PREPL: variants seen among roughly 807,000 people sequenced by gnomAD.
PREPL encodes the protein prolyl endopeptidase-like.
A neutral mutation model predicts 70.6 loss-of-function variants in PREPL; 77 were observed. The observed-to-expected ratio is 1.09, with a 90% CI of 0.91 to 1.32. The LOEUF is 1.32. Ranked by LOEUF, PREPL falls within the 40% of genes most tolerant of loss-of-function variation. The pLI, the probability that PREPL is intolerant of heterozygous loss-of-function variation, is 0.00. For synonymous variants in PREPL, 315 were observed against 264.8 expected (o/e 1.19, Z -1.84); for missense variants, 1,002 against 778.2 (o/e 1.29, Z -3.42).
intron 2 of PREPL, among the ~76,000 whole-genome samples, chr2:44,345,705 A>T (rs1163966721): frequency 6.6e-6 from 1 of 152,228 alleles, no homozygotes; most frequent in Non-Finnish European, 1.5e-5. Flanking sequence ...ATGGTTAAAC[A>T]GATACTTGGC....
At chr2:44,325,002 G>C (rs889503215) in intron 10 of PREPL, among the ~76,000 whole-genome samples, 3 of 152,144 alleles carry the variant, frequency 2.0e-5, no homozygotes, top group East Asian at 3.8e-4. Flanking sequence ...ATACTTTTTA[G>C]CTTTCCCTCA....
In PREPL at chr2:44,321,456, C is replaced by T. The variant is rs143833723; in HGVS notation, c.1828-11G>A. Reference sequence around the variant, plus strand: ...AATTTGGGCTGTAATCTAAAAGAAACACATTAAAAAAATTAAATAGAAGGC... The same window carrying T: ...AATTTGGGCTGTAATCTAAAAGAAATACATTAAAAAAATTAAATAGAAGGC... On this transcript the variant is annotated splice_polypyrimidine_tract_variant and intron_variant, in intron 13 of 13. Coordinates refer to ENST00000409411, the MANE Select transcript of PREPL (RefSeq NM_001171613.2). 6.2e-7 allele frequency: 1 copy of T among 1,609,096 alleles called. No homozygotes were observed. The highest frequency in any genetic ancestry group is 2.2e-5 in the East Asian group (1 of 44,796).
intron 7 of PREPL, among the ~76,000 whole-genome samples, chr2:44,334,448 G>C (rs1160188711): frequency 1.3e-5 from 2 of 151,970 alleles, no homozygotes; most frequent in Admixed American, 6.5e-5. Context: ...ACTTCTTTTT[G>C]TGACAAAAAA....
At chr2:44,332,708 A>G in intron 7 of PREPL, 52 bp from the exon 8 acceptor site, 1 of 1,397,082 alleles carries the variant, frequency 7.2e-7, no homozygotes, top group Non-Finnish European at 9.8e-7. Flanking sequence ...ACCAAGTATC[A>G]TTAATTAAAT....
At chr2:44,327,041 T>C in intron 9 of PREPL, 113 bp from the exon 10 acceptor site, 1 of 870,176 alleles carries the variant, frequency 1.1e-6, no homozygotes, top group Non-Finnish European at 1.8e-6. Flanking sequence ...GAGCTAAGAC[T>C]GGTTTTTGCT....
chr2:44,335,634 G>A (rs946659989), intron 7 of PREPL, among the ~76,000 whole-genome samples: 1 of 151,980 alleles, frequency 6.6e-6, no homozygotes, highest in African/African-American at 2.4e-5. Flanking sequence ...TAATTCTACA[G>A]AAAGGCAAAG....
intron 7 of PREPL, among the ~76,000 whole-genome samples, chr2:44,337,325 C>A (rs887189895): frequency 5.3e-5 from 8 of 152,160 alleles, no homozygotes; most frequent in African/African-American, 1.9e-4. Context: ...AGCCCCACAG[C>A]ACATTTTATG....
chr2:44,358,596 T>C (rs1485405283), intron 1 of PREPL, among the ~76,000 whole-genome samples: 2 of 152,052 alleles, frequency 1.3e-5, no homozygotes, highest in African/African-American at 2.4e-5. Context: ...ACCAGGACAC[T>C]TTTGAGAGGA....
intron 8 of PREPL, among the ~76,000 whole-genome samples, chr2:44,329,904 TTAAAC>T (rs1673916547): frequency 6.6e-6 from 1 of 152,186 alleles, no homozygotes; most frequent in Non-Finnish European, 1.5e-5. Context: ...TTCACCCTGC[TTAAAC>T]TAATGAAATA....
In PREPL at chr2:44,326,785, A is replaced by T. The variant is rs749238316; in HGVS notation, c.1406T>A (p.Phe469Tyr). 1 of 1,614,204 alleles carries T rather than the reference A, an allele frequency of 6.2e-7. No individual in the cohort carries two copies. The highest frequency in any genetic ancestry group is 1.1e-5 in the South Asian group (1 of 91,086). ...SQPSLTTLTA[F>Y]SAGGVLAGAL... ...TCCTGCAAGCACCCCTCCAGCACTG[A>T]AAGCAGTCAGGGTTGTTAGACTTGG... Residue 469 changes from phenylalanine to tyrosine, a missense_variant, in exon 10 of 14, where the codon TTC becomes TAC. Physicochemically the swap from Phe to Tyr is conservative, Grantham distance 22. Transcript: ENST00000409411.
chr2:44,320,540 GA>G lies in PREPL; in HGVS notation c.*815del. 1 of 1,614,094 alleles carries G rather than the reference GA, an allele frequency of 6.2e-7. No individual in the cohort carries two copies. Among genetic ancestry groups the G allele is most frequent in the South Asian group, 1.1e-5 (1 of 91,076 alleles). On this transcript the variant is annotated 3_prime_UTR_variant, in exon 14 of 14. Transcript: ENST00000409411. The stretch of plus-strand genomic sequence containing the variant: ...GACTCATCTTTGAACACAACACGAA[GA>G]ATCTCCTTCATCGCCAAACAGCTTT...
intron 1 of PREPL, among the ~76,000 whole-genome samples, chr2:44,349,218 C>G (rs1676139806): frequency 6.6e-6 from 1 of 152,166 alleles, no homozygotes; most frequent in South Asian, 2.1e-4. Flanking sequence ...TAGAAAGACA[C>G]CGGACAGCCC....
intron 8 of PREPL, among the ~76,000 whole-genome samples, chr2:44,331,242 C>T (rs1435768272): frequency 2.6e-5 from 4 of 152,052 alleles, no homozygotes; most frequent in Non-Finnish European, 5.9e-5. Context: ...TGTGCCTAGC[C>T]CTACACTTCT....
At chr2:44,336,142 G>A (rs991986410) in intron 7 of PREPL, among the ~76,000 whole-genome samples, 3 of 152,126 alleles carry the variant, frequency 2.0e-5, no homozygotes, top group Non-Finnish European at 4.4e-5. Context: ...AGCAGTTTGG[G>A]AATTTCTCAA....
chr2:44,344,013 G>A (rs1414362210), intron 3 of PREPL, 62 bp from the exon 4 acceptor site: 3 of 1,514,982 alleles, frequency 2.0e-6, no homozygotes, highest in East Asian at 2.4e-5. Flanking sequence ...AATTAAAACT[G>A]TATTTTAATG....
rs753767282 is a variant in PREPL, at chr2:44,343,794, G to A, written c.300C>T (p.Leu100=). 3.1e-6 allele frequency: 5 copies of A among 1,613,868 alleles called. No homozygotes were observed. In the Admixed American group the frequency reaches 6.7e-5, roughly 22 times the overall value. Residue 100 remains leucine (L), a synonymous_variant, in exon 4 of 14, where the codon CTC becomes CTT. Transcript: ENST00000409411. ...SEASTCVIIK[L]SDQPVMEASF... is the part of the protein sequence containing the mutation. ...AAGCTTCCATTACGGGCTGATCGCT[G>A]AGCTTTATAATTACACAGGTAGATG...
chr2:44,318,796 A>G lies in PREPL; in HGVS notation c.*2560T>C, dbSNP rs898667978. 6.6e-6 allele frequency: 1 copy of G among 152,234 alleles called. No individual in the cohort carries two copies. The highest frequency in any genetic ancestry group is 2.4e-5 in the African/African-American group (1 of 41,464). The allele number at this position is 152,234 out of a possible 1,614,324, so 9.4% of individuals were successfully genotyped here. On this transcript the variant is annotated 3_prime_UTR_variant, in exon 14 of 14. Transcript: ENST00000409411. Reference sequence around the variant, plus strand: ...GGAAGTATTTAATAGCAGACAAAATATAGTTCAATATGAAAAGCATTATAT... The same window carrying G: ...GGAAGTATTTAATAGCAGACAAAATGTAGTTCAATATGAAAAGCATTATAT...
intron 1 of PREPL, among the ~76,000 whole-genome samples, chr2:44,358,644 T>TA (rs1454896063): frequency 2.6e-5 from 4 of 151,994 alleles, no homozygotes; most frequent in African/African-American, 4.8e-5. Context: ...GGACAACAGG[T>TA]GTAGGCTGGA....
In PREPL at chr2:44,320,163, T is replaced by G; in HGVS notation, c.*1193A>C. The G allele has an allele frequency of 1.3e-6, 2 of 1,517,510 alleles. No homozygotes were observed. Among genetic ancestry groups the G allele is most frequent in the Non-Finnish European group, 9.1e-7 (1 of 1,097,734 alleles). The allele number at this position is 1,517,510 out of a possible 1,614,324, so 94.0% of individuals were successfully genotyped here. On this transcript the variant is annotated 3_prime_UTR_variant, in exon 14 of 14. Transcript: ENST00000409411. ...AAATACTTACAAACAATTCTTAGAA[T>G]CAAACACTTACGTAAATACTTTTTT...
Sources: gnomAD v4.1 joint callset for allele counts (sites outside exome capture counted in the v4.1 genomes callset) on GRCh38, gnomAD v4.1.1 for gene constraint, MANE v1.5 for transcripts, NCBI Gene and HGNC (gene_info 2026-07-23, HGNC 2026-07-21) for gene names.